AKAIN1: variants seen among roughly 807,000 people sequenced by gnomAD.
AKAIN1 encodes the protein A-kinase anchor inhibitor 1.
A neutral mutation model predicts 3.7 loss-of-function variants in AKAIN1; 3 were observed. That is an observed-to-expected ratio of 0.82 (90% confidence interval 0.37 to 2.12). AKAIN1 has a LOEUF of 2.12. AKAIN1 is among the 30% of genes most tolerant of loss of function. The pLI is 0.06. For missense variants in AKAIN1, 82 were observed against 82.7 expected, an observed-to-expected ratio of 0.99 and a Z score of 0.03; for synonymous variants, 31 against 30.8, an observed-to-expected ratio of 1.01 and a Z score of -0.02.
At chr18:5,185,452 C>T (rs1446812701) in intron 1 of AKAIN1, among the ~76,000 whole-genome samples, 1 of 152,110 alleles carries the variant, frequency 6.6e-6, no homozygotes, top group Admixed American at 6.5e-5. Context: ...ATGCATCCAA[C>T]AAAGGTCTAA....
intron 1 of AKAIN1, among the ~76,000 whole-genome samples, chr18:5,181,575 A>G (rs573642442): frequency 6.6e-6 from 1 of 152,252 alleles, no homozygotes; most frequent in African/African-American, 2.4e-5. Context: ...AAAGGTCATT[A>G]GTGAGAGCTA....
intron 1 of AKAIN1, among the ~76,000 whole-genome samples, chr18:5,176,378 T>C (rs1221169523): frequency 6.6e-6 from 1 of 152,044 alleles, no homozygotes; most frequent in South Asian, 2.1e-4. Context: ...AGGTGGAGAT[T>C]GCAGTAAGCC....
intron 1 of AKAIN1, among the ~76,000 whole-genome samples, chr18:5,168,859 T>C (rs1292754198): frequency 2.8e-5 from 4 of 141,848 alleles, no homozygotes; most frequent in African/African-American, 8.5e-5. Flanking sequence ...TATGAGGCAA[T>C]TCATTAAAAA....
intron 1 of AKAIN1, among the ~76,000 whole-genome samples, chr18:5,192,707 G>A (rs983882677): frequency 6.6e-6 from 1 of 151,844 alleles, no homozygotes; most frequent in Admixed American, 6.6e-5. Flanking sequence ...TCTAAAACTT[G>A]GTATGGTTTC....
At chr18:5,172,795 T>A (rs1021631774) in intron 1 of AKAIN1, among the ~76,000 whole-genome samples, 4 of 151,988 alleles carry the variant, frequency 2.6e-5, no homozygotes, top group African/African-American at 4.8e-5. Flanking sequence ...ACCATATTTA[T>A]AAAACCCCCT....
chr18:5,165,499 T>A (rs1265489843), intron 1 of AKAIN1, among the ~76,000 whole-genome samples: 1 of 151,992 alleles, frequency 6.6e-6, no homozygotes. Flanking sequence ...TGTACCACAC[T>A]CAGTTTTCAG....
intron 1 of AKAIN1, among the ~76,000 whole-genome samples, chr18:5,182,911 T>C (rs2071266326): frequency 6.6e-6 from 1 of 152,074 alleles, no homozygotes; most frequent in Non-Finnish European, 1.5e-5. Flanking sequence ...TTATATCCTC[T>C]AACTCTGAAG....
chr18:5,193,133 A>G (rs11875045), intron 1 of AKAIN1, among the ~76,000 whole-genome samples: 42,712 of 152,102 alleles, frequency 0.28, 6,188 homozygotes, highest in Non-Finnish European at 0.3. Context: ...TGCAATAAAT[A>G]CTTTCTTATA....
At chr18:5,159,754 T>C (rs1505958) in intron 1 of AKAIN1, among the ~76,000 whole-genome samples, 59,810 of 152,080 alleles carry the variant, frequency 0.39, 11,972 homozygotes, top group South Asian at 0.53. Context: ...GGTTTGTCTG[T>C]TTAGCCACCA....
At chr18:5,166,238 C>T (rs1039939464) in intron 1 of AKAIN1, among the ~76,000 whole-genome samples, 7 of 151,938 alleles carry the variant, frequency 4.6e-5, no homozygotes, top group African/African-American at 1.7e-4. Flanking sequence ...TAATTATTGG[C>T]AGGAATTAAG....
At chr18:5,181,040 C>A (rs2071255039) in intron 1 of AKAIN1, among the ~76,000 whole-genome samples, 1 of 151,338 alleles carries the variant, frequency 6.6e-6, no homozygotes. Context: ...ATAATAGCAA[C>A]AATTTGGGAA....
chr18:5,158,160 A>G (rs955140449), intron 1 of AKAIN1, among the ~76,000 whole-genome samples: 6 of 152,268 alleles, frequency 3.9e-5, no homozygotes, highest in Non-Finnish European at 7.4e-5. Context: ...CCGTGTGCCC[A>G]GTGCACAATC....
intron 1 of AKAIN1, among the ~76,000 whole-genome samples, chr18:5,171,902 C>A (rs2071199914): frequency 6.6e-6 from 1 of 152,088 alleles, no homozygotes; most frequent in Admixed American, 6.6e-5. Context: ...ATGTTTATTA[C>A]AGTATGATCC....
Position 5,145,507 on chromosome 18 carries a change from T to C in AKAIN1, c.*55A>G. On this transcript the variant is annotated 3_prime_UTR_variant, in exon 2 of 2. Transcript: ENST00000434239. ...CTGGCAACATTTTGGAGATGCGTCC[T>C]ATACTAAGAGGAAGGCTAGAAACCA... 6.9e-7 allele frequency: 1 copy of C among 1,458,726 alleles called. No homozygotes were observed. The highest frequency in any genetic ancestry group is 1.3e-5 in the South Asian group (1 of 78,054). The allele number at this position is 1,458,726 out of a possible 1,614,324, so 90.4% of individuals were successfully genotyped here. A position where few individuals can be genotyped will look rare whatever the true frequency, so the allele number is the denominator to read the frequency against.
At chr18:5,157,393 G>A (rs2071114246) in intron 1 of AKAIN1, among the ~76,000 whole-genome samples, 1 of 152,218 alleles carries the variant, frequency 6.6e-6, no homozygotes, top group Non-Finnish European at 1.5e-5. Flanking sequence ...GTCTCAAACA[G>A]CAGCTGGAGT....
At chr18:5,196,882 G>A (rs1441770158) in intron 1 of AKAIN1, among the ~76,000 whole-genome samples, 156 bp downstream of exon 1, 1 of 152,186 alleles carries the variant, frequency 6.6e-6, no homozygotes, top group African/African-American at 2.4e-5. Flanking sequence ...GGGCGAAGGC[G>A]ACGCGCCGAG....
intron 1 of AKAIN1, among the ~76,000 whole-genome samples, chr18:5,169,525 C>T (rs1023444291): frequency 2.6e-5 from 4 of 151,984 alleles, no homozygotes; most frequent in African/African-American, 9.7e-5. Flanking sequence ...CAGCTCAGCT[C>T]CAAAAATCCA....
rs531943205 is a variant in AKAIN1 at position 5,178,912 on chromosome 18, T to C, written c.16+18126A>G. ...ACTAAGAAGTAAAATATATTTGCAA[T>C]CAGATAAAAATTCTGCCCCTTTAAA... On this transcript the variant is annotated intron_variant, in intron 1 of 1. Coordinates refer to ENST00000434239, the MANE Select transcript of AKAIN1 (RefSeq NM_001145194.2). Among the ~76,000 whole-genome samples, 6 of 152,274 alleles carry C rather than the reference T, an allele frequency of 3.9e-5. No homozygotes were observed. In the South Asian group the frequency reaches 8.3e-4, roughly 21 times the overall value.
chr18:5,188,875 CCT>C (rs2071302581), intron 1 of AKAIN1, among the ~76,000 whole-genome samples: 2 of 152,168 alleles, frequency 1.3e-5, no homozygotes, highest in Non-Finnish European at 2.9e-5. Flanking sequence ...TAAAGGCTTG[CCT>C]GAACTTGGGT....
Sources: gnomAD v4.1 joint callset for allele counts (sites outside exome capture counted in the v4.1 genomes callset) on GRCh38, gnomAD v4.1.1 for gene constraint, MANE v1.5 for transcripts, NCBI Gene and HGNC (gene_info 2026-07-23, HGNC 2026-07-21) for gene names.